Variants in MCC observed in about 807,000 individuals in gnomAD.
The protein encoded by MCC is colorectal mutant cancer protein.
MCC carries 90 observed loss-of-function variants against 116.2 expected under a neutral mutation model. That is an observed-to-expected ratio of 0.77 (90% CI 0.65 to 0.92). MCC has a LOEUF of 0.92. Ranked by LOEUF, MCC falls within the 40% of genes least tolerant of loss-of-function variation. The pLI is 0.00. For missense variants in MCC, 1,516 were observed against 1,312.2 expected (o/e 1.16, Z -2.40); for synonymous variants, 578 against 510.5 (o/e 1.13, Z -1.78).
chr5:113,328,440 G>A (rs1767619514), intron 3 of MCC, among the ~76,000 whole-genome samples: 1 of 152,190 alleles, frequency 6.6e-6, no homozygotes, highest in Non-Finnish European at 1.5e-5. Context: ...TGCCCCAGAA[G>A]AATCTACTGA....
chr5:113,307,294 T>C (rs773325278), intron 3 of MCC, among the ~76,000 whole-genome samples: 37 of 152,252 alleles, frequency 2.4e-4, no homozygotes, highest in Non-Finnish European at 4.4e-4. Context: ...AGGTGTCTTT[T>C]CGTTTACTTA....
intron 3 of MCC, among the ~76,000 whole-genome samples, chr5:113,221,236 C>T (rs1763541307): frequency 6.6e-6 from 1 of 152,164 alleles, no homozygotes; most frequent in Non-Finnish European, 1.5e-5. Flanking sequence ...GTGGTGAACA[C>T]AGATGTGCTT....
intron 11 of MCC, among the ~76,000 whole-genome samples, chr5:113,080,156 G>A (rs1301777635): frequency 6.6e-6 from 1 of 152,200 alleles, no homozygotes; most frequent in Non-Finnish European, 1.5e-5. Flanking sequence ...GGAAACAACA[G>A]GTGCTGGAAA....
intron 3 of MCC, among the ~76,000 whole-genome samples, chr5:113,162,585 A>G (rs1353449123): frequency 6.6e-6 from 1 of 152,042 alleles, no homozygotes; most frequent in Non-Finnish European, 1.5e-5. Context: ...CAGCCTCGAA[A>G]TCCCAGGCTC....
intron 11 of MCC, among the ~76,000 whole-genome samples, chr5:113,076,275 C>G (rs778317687): frequency 6.6e-6 from 1 of 152,178 alleles, no homozygotes; most frequent in Non-Finnish European, 1.5e-5. Flanking sequence ...CCTAGCAAGG[C>G]AGACCAACAT....
chr5:113,436,158 C>T (rs1043223543), intron 1 of MCC: 6 of 152,712 alleles, frequency 3.9e-5, no homozygotes, highest in African/African-American at 1.4e-4. Context: ...GGTTGGGTCA[C>T]CACCAGCTGT....
intron 1 of MCC, among the ~76,000 whole-genome samples, chr5:113,402,137 A>G (rs912423538): frequency 6.6e-6 from 1 of 152,086 alleles, no homozygotes; most frequent in Non-Finnish European, 1.5e-5. Flanking sequence ...TACTAAAAAT[A>G]CAAAAAATTA....
At chr5:113,198,924 G>A (rs928803377) in intron 3 of MCC, among the ~76,000 whole-genome samples, 1 of 151,716 alleles carries the variant, frequency 6.6e-6, no homozygotes, top group African/African-American at 2.4e-5. Flanking sequence ...CAATAGGCCA[G>A]GGGCAGTGGC....
Position 113,068,073 on chromosome 5 carries a change from C to T in MCC, c.2029+7G>A, listed in dbSNP as rs1753748081. 2 of 1,612,230 alleles carry T rather than the reference C, an allele frequency of 1.2e-6. No homozygotes were observed. The highest frequency in any genetic ancestry group is 1.7e-6 in the Non-Finnish European group (2 of 1,178,394). ...AGAGGAGGAAGAGGGACTCTGGAGACACTTACCAGGGGAGGACCCCACGCC... is the reference window on the plus strand; with the variant it reads ...AGAGGAGGAAGAGGGACTCTGGAGATACTTACCAGGGGAGGACCCCACGCC... On this transcript the variant is annotated splice_region_variant and intron_variant, in intron 13 of 18. Transcript: ENST00000408903.
intron 8 of MCC, among the ~76,000 whole-genome samples, chr5:113,098,834 C>T (rs540949800): frequency 3.3e-5 from 5 of 152,268 alleles, no homozygotes; most frequent in East Asian, 1.9e-4. Flanking sequence ...CCCAATTGCT[C>T]GTCAAGGAAC....
intron 11 of MCC, among the ~76,000 whole-genome samples, chr5:113,081,370 C>A (rs2150242050): frequency 6.6e-6 from 1 of 152,332 alleles, no homozygotes; most frequent in South Asian, 2.1e-4. Context: ...ACTCTACCCT[C>A]ACAAGCTGAG....
At chr5:113,421,486 C>T (rs1770332881) in intron 1 of MCC, among the ~76,000 whole-genome samples, 1 of 152,216 alleles carries the variant, frequency 6.6e-6, no homozygotes, top group South Asian at 2.1e-4. Flanking sequence ...GGTCCATCCT[C>T]TGTTATTCAC....
At position 113,488,358 on chromosome 5, in the gene MCC, G is replaced by GCCGCCA; in HGVS notation, c.56_57insTGGCGG (p.Gly20_Gly21dup). 1 of 1,516,344 alleles carries GCCGCCA rather than the reference G, an allele frequency of 6.6e-7. No homozygotes were observed. Among genetic ancestry groups the GCCGCCA allele is most frequent in the Non-Finnish European group, 8.8e-7 (1 of 1,138,090 alleles). The allele number at this position is 1,516,344 out of a possible 1,614,324, so 93.9% of individuals were successfully genotyped here. A position where few individuals can be genotyped will look rare whatever the true frequency, so the allele number is the denominator to read the frequency against. On this transcript the variant is annotated inframe_insertion, in exon 1 of 19. Coordinates refer to ENST00000408903, the MANE Select transcript of MCC (RefSeq NM_001085377.2). ...TGCTGCTGCTGCTGCCGCTGCCGCCGCCGCCGCCGCCGCTGCTGGAGCTCC... is the reference window on the plus strand; with the variant it reads ...TGCTGCTGCTGCTGCCGCTGCCGCCGCCGCCACCGCCGCCGCCGCTGCTGGAGCTCC...
intron 1 of MCC, among the ~76,000 whole-genome samples, chr5:113,414,084 G>C (rs1222063038): frequency 6.6e-6 from 1 of 152,190 alleles, no homozygotes; most frequent in African/African-American, 2.4e-5. Flanking sequence ...GTGCGGTTTT[G>C]AGTGTGTTTC....
intron 3 of MCC, among the ~76,000 whole-genome samples, chr5:113,175,744 C>G (rs1761300225): frequency 6.6e-6 from 1 of 152,040 alleles, no homozygotes; most frequent in African/African-American, 2.4e-5. Context: ...ATAATCTACT[C>G]TAAAATACAT....
At chr5:113,286,818 CT>C (rs898262924) in intron 3 of MCC, among the ~76,000 whole-genome samples, 2 of 152,118 alleles carry the variant, frequency 1.3e-5, no homozygotes, top group African/African-American at 4.8e-5. Flanking sequence ...ATGCAAAGTG[CT>C]TTACAACCTT....
At chr5:113,338,920 C>T (rs544415543) in intron 3 of MCC, among the ~76,000 whole-genome samples, 3 of 152,248 alleles carry the variant, frequency 2.0e-5, no homozygotes, top group Admixed American at 6.5e-5. Flanking sequence ...CATTATCATA[C>T]CCTAGCAGTG....
At chr5:113,132,443 T>C (rs371233116) in intron 5 of MCC, among the ~76,000 whole-genome samples, 498 of 36,500 alleles carry the variant, frequency 0.014, 10 homozygotes, top group Non-Finnish European at 0.031. Context: ...TATATATATA[T>C]ACACACACAC....
intron 2 of MCC, among the ~76,000 whole-genome samples, chr5:113,384,557 C>G (rs1769202145): frequency 6.6e-6 from 1 of 152,164 alleles, no homozygotes; most frequent in African/African-American, 2.4e-5. Flanking sequence ...CACTGCACGC[C>G]AGCCTGGGCA....
Sources: allele counts gnomAD v4.1 joint callset (sites outside exome capture counted in the v4.1 genomes callset), GRCh38; gene constraint gnomAD v4.1.1; transcripts MANE v1.5; gene names NCBI Gene and HGNC (gene_info 2026-07-23, HGNC 2026-07-21).